Variants in CD84 observed in about 807,000 individuals in gnomAD.
CD84 encodes the protein SLAM family member 5.
A neutral mutation model predicts 33.8 loss-of-function variants in CD84; 22 were observed. The observed-to-expected ratio is 0.65, with a 90% CI of 0.46 to 0.93. The LOEUF (loss-of-function observed/expected upper bound fraction) is 0.93. Among genes scored for constraint, CD84 ranks in the 40% least tolerant of loss-of-function variants. CD84 has a pLI of 0.00. For synonymous variants in CD84, 154 were observed against 145.2 expected, an observed-to-expected ratio of 1.06 and a Z score of -0.44; for missense variants, 400 against 397.6, an observed-to-expected ratio of 1.01 and a Z score of -0.05.
At chr1:160,576,599 G>A (rs145085568) in intron 1 of CD84, among the ~76,000 whole-genome samples, 69 of 152,260 alleles carry the variant, frequency 4.5e-4, no homozygotes, top group African/African-American at 1.6e-3. Flanking sequence ...ATTAATAGTA[G>A]GGAGAGTAAT....
rs555024806 is a variant in CD84, at chr1:160,569,553, C to T, written c.47-3808G>A. Among the ~76,000 whole-genome samples, 8 of 150,898 alleles carry T rather than the reference C, an allele frequency of 5.3e-5. No homozygotes were observed. The East Asian group carries it at 9.7e-4, about 18-fold the overall frequency. Reference sequence around the variant, plus strand: ...ACACACACACACACGCACGCACGCACGCACGCACACACACAATTCTCCTTT... The same window carrying T: ...ACACACACACACACGCACGCACGCATGCACGCACACACACAATTCTCCTTT... On this transcript the variant is annotated intron_variant, in intron 1 of 6. Coordinates refer to ENST00000368054, the MANE Select transcript of CD84 (RefSeq NM_003874.4).
intron 1 of CD84, among the ~76,000 whole-genome samples, chr1:160,570,568 A>G (rs1657628100): frequency 6.6e-6 from 1 of 152,208 alleles, no homozygotes; most frequent in South Asian, 2.1e-4. Context: ...TGTGTCTTTA[A>G]GAAGAGTGGG....
In CD84 at chr1:160,579,311, G is replaced by A. The variant is rs1040485139; in HGVS notation, c.46+81C>T. 5.0e-6 allele frequency: 8 copies of A among 1,596,900 alleles called. No homozygotes were observed. The Admixed American group carries it at 8.4e-5, about 17-fold the overall frequency. On this transcript the variant is annotated intron_variant, in intron 1 of 6. Transcript: ENST00000368054. ...TGTTCTGCTAAACACAGATCAAAAA[G>A]ACAGTTCAATGTCTTCCTTAAGGGC...
At chr1:160,550,773 A>G in intron 5 of CD84, 165 bp downstream of exon 5, 1 of 985,296 alleles carries the variant, frequency 1.0e-6, no homozygotes, top group Non-Finnish European at 1.2e-6. Context: ...TCCTCATAGA[A>G]AGATCCGTGG....
Position 160,553,415 on chromosome 1 carries a change from A to C in CD84, c.723T>G (p.Ser241=). ...AMFFLLVLIL[S]SVFLFRLFKR... ...TGAACAAACGGAACAAAAACACTGA[A>C]GACAGAATGAGAACAAGCAGAAAGA... Residue 241 remains serine (S), a synonymous_variant, in exon 4 of 7, where the codon TCT becomes TCG. Coordinates refer to ENST00000368054, the MANE Select transcript of CD84 (RefSeq NM_003874.4). The C allele has an allele frequency of 6.2e-7, 1 of 1,614,100 alleles. No homozygotes were observed. The highest frequency in any genetic ancestry group is 1.6e-4 in the Middle Eastern group (1 of 6,062).
intron 1 of CD84, chr1:160,570,894 A>G (rs1371888813): frequency 6.6e-6 from 1 of 152,122 alleles, no homozygotes; most frequent in African/African-American, 2.4e-5. Flanking sequence ...TAAATACATA[A>G]AAAGAGGGAA....
chr1:160,552,701 T>C, intron 4 of CD84: 1 of 1,545,590 alleles, frequency 6.5e-7, no homozygotes, highest in Non-Finnish European at 8.8e-7. Context: ...GGCTGAGAAC[T>C]TACAAGGGTT....
intron 4 of CD84, chr1:160,552,588 G>A (rs865801282): frequency 5.9e-6 from 4 of 675,374 alleles, no homozygotes; most frequent in Non-Finnish European, 1.1e-5. Flanking sequence ...AAATGGTCAA[G>A]CTGGGACTTT....
intron 1 of CD84, among the ~76,000 whole-genome samples, chr1:160,567,310 C>T (rs576831210): frequency 6.6e-6 from 1 of 152,220 alleles, no homozygotes; most frequent in Non-Finnish European, 1.5e-5. Flanking sequence ...CTATGGCTAC[C>T]CTTGCTCTTC....
At chr1:160,573,021 C>T (rs1039383665) in intron 1 of CD84, among the ~76,000 whole-genome samples, 2 of 152,126 alleles carry the variant, frequency 1.3e-5, no homozygotes, top group African/African-American at 2.4e-5. Context: ...AAGATGATAA[C>T]CCTGTTTCCC....
rs147618192 is a variant in CD84 at position 160,579,396 on chromosome 1, T to C, written c.42A>G (p.Gln14=). The stretch of plus-strand genomic sequence containing the variant: ...TCAGCAAGGGTCAGAACTCACAGGT[T>C]TGCAGGCAAAGGAGCAAGATCCATA... ...HHLWILLLCL[Q]TWPEAAGKDS... is the part of the protein sequence containing the mutation. Residue 14 remains glutamine (Q), a synonymous_variant, in exon 1 of 7, where the codon CAA becomes CAG. Coordinates refer to ENST00000368054, the MANE Select transcript of CD84 (RefSeq NM_003874.4). 319 of 1,613,202 alleles carry C rather than the reference T, an allele frequency of 2.0e-4. No individual in the cohort carries two copies. Among genetic ancestry groups the C allele is most frequent in the Admixed American group, 4.0e-4 (24 of 59,906 alleles).
Position 160,547,749 on chromosome 1 carries a change from C to T in CD84, c.*507G>A, listed in dbSNP as rs1034915621. The T allele has an allele frequency of 4.4e-5, 7 of 157,538 alleles. No homozygotes were observed. Among genetic ancestry groups the T allele is most frequent in the Admixed American group, 2.5e-4 (4 of 16,080 alleles). The allele number at this position is 157,538 out of a possible 1,614,324, so 9.8% of individuals were successfully genotyped here. ...ACATTTTCCTAATTTGCTCAAGATG[C>T]GTGGTGAAGGCCACGCACCAGGGAT... On this transcript the variant is annotated 3_prime_UTR_variant, in exon 7 of 7. Coordinates refer to ENST00000368054, the MANE Select transcript of CD84 (RefSeq NM_003874.4).
intron 6 of CD84, 70 bp from the exon 7 acceptor site, chr1:160,548,391 T>C: frequency 6.5e-7 from 1 of 1,549,726 alleles, no homozygotes; most frequent in Non-Finnish European, 8.9e-7. Flanking sequence ...TCCTGCAAGT[T>C]CCCAGAGGAG....
In CD84 at chr1:160,547,301, C is replaced by A; in HGVS notation, c.*955G>T. 2.5e-6 allele frequency: 1 copy of A among 397,404 alleles called. No homozygotes were observed. The highest frequency in any genetic ancestry group is 3.6e-5 in the East Asian group (1 of 28,050). The allele number at this position is 397,404 out of a possible 1,614,324, so 24.6% of individuals were successfully genotyped here. A position where few individuals can be genotyped will look rare whatever the true frequency, so the allele number is the denominator to read the frequency against. Reference sequence around the variant, plus strand: ...TTCTATTTTGATGGTTGGATTATACCCAGTTCCCCAGAAGTGTGAGAAATA... The same window carrying A: ...TTCTATTTTGATGGTTGGATTATACACAGTTCCCCAGAAGTGTGAGAAATA... On this transcript the variant is annotated 3_prime_UTR_variant, in exon 7 of 7. Transcript: ENST00000368054.
chr1:160,558,251 C>T (rs1404265941), intron 2 of CD84, among the ~76,000 whole-genome samples: 1 of 152,196 alleles, frequency 6.6e-6, no homozygotes, highest in East Asian at 1.9e-4. Flanking sequence ...GGTCAGTACA[C>T]CCCTGGGATG....
At chr1:160,579,141 C>T (rs1658146643) in intron 1 of CD84, among the ~76,000 whole-genome samples, 1 of 152,070 alleles carries the variant, frequency 6.6e-6, no homozygotes, top group Admixed American at 6.6e-5. Context: ...TGCCTCAGAC[C>T]TTTGGAAACT....
Position 160,553,917 on chromosome 1 carries a change from G to A in CD84, c.618C>T (p.Ile206=). 6.2e-7 allele frequency: 1 copy of A among 1,614,226 alleles called. No individual in the cohort carries two copies. The highest frequency in any genetic ancestry group is 8.5e-7 in the Non-Finnish European group (1 of 1,180,042). ...QNPVSNNSDS[I]SARQLCADIA... ...TACCTGCACAGAGCTGCCGGGCAGA[G>A]ATGGAGTCAGAATTGTTGCTGACAG... is the stretch of plus-strand genomic sequence containing the variant. Residue 206 remains isoleucine (I), a synonymous_variant, in exon 3 of 7, where the codon ATC becomes ATT. Coordinates refer to ENST00000368054, the MANE Select transcript of CD84 (RefSeq NM_003874.4).
intron 2 of CD84, among the ~76,000 whole-genome samples, chr1:160,563,127 T>A (rs1489414204): frequency 6.6e-6 from 1 of 152,172 alleles, no homozygotes. Context: ...AAAGAAATGC[T>A]TTTACAATGT....
intron 1 of CD84, among the ~76,000 whole-genome samples, chr1:160,577,422 A>G (rs778887544): frequency 2.6e-5 from 4 of 152,200 alleles, no homozygotes; most frequent in Admixed American, 2.0e-4. Context: ...TAATTCAGTA[A>G]AGGTGGACAG....
Sources: allele counts gnomAD v4.1 joint callset (sites outside exome capture counted in the v4.1 genomes callset), GRCh38; gene constraint gnomAD v4.1.1; transcripts MANE v1.5; gene names NCBI Gene and HGNC (gene_info 2026-07-23, HGNC 2026-07-21).